SEC22A: variants seen among roughly 807,000 people sequenced by gnomAD.
SEC22A encodes the protein SEC22 homolog A, vesicle trafficking protein, also known as vesicle-trafficking protein SEC22a.
A neutral mutation model predicts 35.3 loss-of-function variants in SEC22A; 22 were observed. The ratio of observed to expected loss-of-function variants is 0.62; its 90% CI spans 0.45 to 0.89. SEC22A has a LOEUF of 0.89. SEC22A is among the 40% of genes least tolerant of loss of function. The probability of loss-of-function intolerance (pLI) is 0.00; values close to 1 mark genes in which losing one functional copy is unlikely to be tolerated. For synonymous variants in SEC22A, 119 were observed against 129.5 expected (o/e 0.92, Z 0.55); for missense variants, 354 against 362.5 (o/e 0.98, Z 0.19).
chr3:123,216,290 G>T (rs1487489508), intron 2 of SEC22A, among the ~76,000 whole-genome samples: 2 of 152,168 alleles, frequency 1.3e-5, no homozygotes, highest in African/African-American at 4.8e-5. Context: ...ATTCTCTGGA[G>T]TGTGGCTGTG....
At chr3:123,214,887 C>T (rs1200817533) in intron 2 of SEC22A, among the ~76,000 whole-genome samples, 5 of 152,082 alleles carry the variant, frequency 3.3e-5, no homozygotes, top group East Asian at 1.9e-4. Flanking sequence ...GCCGTATAAT[C>T]GCTGTGAGCC....
chr3:123,211,220 C>T (rs749771427), intron 2 of SEC22A, among the ~76,000 whole-genome samples: 24 of 151,920 alleles, frequency 1.6e-4, no homozygotes, highest in African/African-American at 5.8e-4. Context: ...AATTAGAACA[C>T]CAAAAGAACT....
intron 4 of SEC22A, among the ~76,000 whole-genome samples, chr3:123,234,506 T>A (rs1937381125): frequency 6.6e-6 from 1 of 151,948 alleles, no homozygotes. Flanking sequence ...GCCAAGACAA[T>A]GGTGAAAGAA....
At chr3:123,207,279 C>G (rs2108024913) in intron 1 of SEC22A, among the ~76,000 whole-genome samples, 1 of 152,274 alleles carries the variant, frequency 6.6e-6, no homozygotes, top group South Asian at 2.1e-4. Context: ...TGAAAACTAT[C>G]AGCTCCTGAT....
intron 4 of SEC22A, among the ~76,000 whole-genome samples, chr3:123,234,090 T>C (rs1345044700): frequency 6.6e-6 from 1 of 152,186 alleles, no homozygotes; most frequent in Admixed American, 6.5e-5. Context: ...AAGAAAACCC[T>C]ATATACTGAA....
chr3:123,242,954 T>C (rs1189130068), intron 4 of SEC22A, among the ~76,000 whole-genome samples: 1 of 152,198 alleles, frequency 6.6e-6, no homozygotes, highest in Admixed American at 6.5e-5. Flanking sequence ...CTTCTTTAAG[T>C]ATAACCTTCA....
chr3:123,244,291 G>A (rs755210413), intron 4 of SEC22A, among the ~76,000 whole-genome samples: 3 of 152,124 alleles, frequency 2.0e-5, no homozygotes, highest in Admixed American at 6.6e-5. Context: ...GGGTGGGGGC[G>A]GAAGTGGGGG....
chr3:123,221,942 T>TA, intron 2 of SEC22A, among the ~76,000 whole-genome samples: 1 of 152,224 alleles, frequency 6.6e-6, no homozygotes, highest in South Asian at 2.1e-4. Context: ...GAGAAACTTA[T>TA]AAATACCATG....
intron 6 of SEC22A, among the ~76,000 whole-genome samples, chr3:123,260,809 C>G (rs1937874751): frequency 1.3e-5 from 2 of 150,522 alleles, no homozygotes; most frequent in South Asian, 4.2e-4. Flanking sequence ...CCAGTGGCCT[C>G]ATTTTTTAAA....
chr3:123,235,000 G>A (rs969855673), intron 4 of SEC22A, among the ~76,000 whole-genome samples: 1 of 150,136 alleles, frequency 6.7e-6, no homozygotes, highest in Non-Finnish European at 1.5e-5. Context: ...TCCAGCCTGG[G>A]CAACAGCCAG....
At chr3:123,203,406 T>C (rs1936791471) in intron 1 of SEC22A, among the ~76,000 whole-genome samples, 1 of 152,106 alleles carries the variant, frequency 6.6e-6, no homozygotes. Flanking sequence ...CAGCAAATAT[T>C]TAATGTAGTG....
At chr3:123,224,812 TG>T (rs1937192117) in intron 3 of SEC22A, among the ~76,000 whole-genome samples, 1 of 152,146 alleles carries the variant, frequency 6.6e-6, no homozygotes. Context: ...TTCAAGACTT[TG>T]GTTTAAAGTT....
chr3:123,252,000 ACTT>A (rs914638992), intron 5 of SEC22A, among the ~76,000 whole-genome samples: 1 of 152,176 alleles, frequency 6.6e-6, no homozygotes, highest in Non-Finnish European at 1.5e-5. Context: ...ACAATGATAA[ACTT>A]TAGAGGTTTA....
chr3:123,233,850 C>T (rs1460191920), intron 4 of SEC22A, among the ~76,000 whole-genome samples: 1 of 152,160 alleles, frequency 6.6e-6, no homozygotes, highest in Admixed American at 6.5e-5. Flanking sequence ...CAAGGCACAG[C>T]AGGCCGTTGG....
intron 6 of SEC22A, among the ~76,000 whole-genome samples, chr3:123,264,962 T>C (rs1318845957): frequency 6.6e-6 from 1 of 152,106 alleles, no homozygotes; most frequent in Admixed American, 6.5e-5. Context: ...TATTTTCTAA[T>C]TGGATTCTTT....
chr3:123,257,445 C>T (rs991561683), intron 5 of SEC22A, among the ~76,000 whole-genome samples: 1 of 152,124 alleles, frequency 6.6e-6, no homozygotes, highest in African/African-American at 2.4e-5. Flanking sequence ...GCCTGTAATC[C>T]CAGCACTTTC....
rs1936947431 is a variant in SEC22A, at chr3:123,212,118, T to C, written c.182+2719T>C. Among the ~76,000 whole-genome samples, 5 of 152,156 alleles carry C rather than the reference T, an allele frequency of 3.3e-5. No homozygotes were observed. In the South Asian group the frequency reaches 1.0e-3, roughly 32 times the overall value. ...ACAAGGTAGTTCAGTGGAGATGGGA[T>C]AGAGATTTTGGAATCATTCACGTAG... On this transcript the variant is annotated intron_variant, in intron 2 of 6. Coordinates refer to ENST00000492595, the MANE Select transcript of SEC22A (RefSeq NM_012430.5).
chr3:123,213,224 A>G (rs576540950), intron 2 of SEC22A, among the ~76,000 whole-genome samples: 34 of 152,276 alleles, frequency 2.2e-4, no homozygotes, highest in African/African-American at 7.9e-4. Context: ...TTGATAAGAG[A>G]TCTTGTGGTT....
chr3:123,241,647 A>G (rs968901368), intron 4 of SEC22A, among the ~76,000 whole-genome samples: 1 of 152,034 alleles, frequency 6.6e-6, no homozygotes, highest in Non-Finnish European at 1.5e-5. Flanking sequence ...TCTCAATCCT[A>G]TTATCTCTGT....
Sources: allele counts gnomAD v4.1 joint callset (sites outside exome capture counted in the v4.1 genomes callset), GRCh38; gene constraint gnomAD v4.1.1; transcripts MANE v1.5; gene names NCBI Gene and HGNC (gene_info 2026-07-23, HGNC 2026-07-21).